Variants in TENM4 observed in about 807,000 individuals in gnomAD.
TENM4 encodes teneurin-4.
In TENM4, 82 loss-of-function variants were observed where a neutral mutation model predicts 243.3. The ratio of observed to expected loss-of-function variants is 0.34; its 90% confidence interval spans 0.28 to 0.40. The LOEUF is 0.40. Among genes scored for constraint, TENM4 ranks in the 10% least tolerant of loss-of-function variants. The pLI, the probability that TENM4 is intolerant of heterozygous loss-of-function variation, is 1.00. For missense variants in TENM4, 3,138 were observed against 3,673.3 expected (o/e 0.85, Z 3.77); for synonymous variants, 1,412 against 1,456.3 (o/e 0.97, Z 0.69).
At chr11:79,308,692 G>A (rs1257208499) in intron 1 of TENM4, among the ~76,000 whole-genome samples, 3 of 152,158 alleles carry the variant, frequency 2.0e-5, no homozygotes, top group Non-Finnish European at 4.4e-5. Context: ...AGGGCTACAC[G>A]GCACGTTAGA....
At chr11:79,114,262 G>GA (rs774732376) in intron 4 of TENM4, among the ~76,000 whole-genome samples, 2 of 151,966 alleles carry the variant, frequency 1.3e-5, no homozygotes, top group African/African-American at 4.8e-5. Context: ...ATGTTACATA[G>GA]AAAAAAAATA....
At chr11:79,186,417 C>T (rs12417483) in intron 3 of TENM4, among the ~76,000 whole-genome samples, 14,234 of 152,222 alleles carry the variant, frequency 0.094, 1,378 homozygotes, top group East Asian at 0.41. Context: ...GGAGCCTTTA[C>T]GTGCTTTATC....
At chr11:79,318,405 C>G (rs1035567646) in intron 1 of TENM4, among the ~76,000 whole-genome samples, 1 of 152,182 alleles carries the variant, frequency 6.6e-6, no homozygotes, top group South Asian at 2.1e-4. Context: ...AAACAGCCAA[C>G]CTTATTAATG....
At chr11:79,325,017 T>C (rs1274561809) in intron 1 of TENM4, among the ~76,000 whole-genome samples, 1 of 152,184 alleles carries the variant, frequency 6.6e-6, no homozygotes. Flanking sequence ...CAGGTTTTTC[T>C]GAGAAGGAGG....
At chr11:78,815,008 G>T (rs1476090155) in intron 12 of TENM4, among the ~76,000 whole-genome samples, 2 of 152,112 alleles carry the variant, frequency 1.3e-5, no homozygotes, top group Non-Finnish European at 2.9e-5. Context: ...AAACAAATCT[G>T]ATCCTATCAC....
Position 78,732,428 on chromosome 11 carries a change from G to A in TENM4, c.3026C>T (p.Pro1009Leu), listed in dbSNP as rs1279462158. 2 of 1,613,868 alleles carry A rather than the reference G, an allele frequency of 1.2e-6. No individual in the cohort carries two copies. The highest frequency in any genetic ancestry group is 1.1e-5 in the South Asian group (1 of 91,050). Residue 1009 changes from proline to leucine, a missense_variant, in exon 21 of 34, where the codon CCC becomes CTC. Pro to Leu is a moderately conservative substitution (Grantham distance 98). This residue lies in a region of TENM4 where 2,467 missense variants were observed against 3,059.1 expected (regional missense o/e 0.81). Transcript: ENST00000278550. ...GGCAAAATTGCTCAGGTCACAGCTG[G>A]GAATCTCATTCTCCTCATGTCTCAT... The part of the protein sequence containing the change: ...IIMRHEENEI[P>L]SCDLSNFARP...
At chr11:78,851,742 C>T (rs1234958732) in intron 12 of TENM4, among the ~76,000 whole-genome samples, 3 of 152,176 alleles carry the variant, frequency 2.0e-5, no homozygotes, top group African/African-American at 7.2e-5. Flanking sequence ...GCCTCCCAAA[C>T]CCTGCCAAGT....
intron 2 of TENM4, among the ~76,000 whole-genome samples, chr11:79,296,108 A>C (rs1394038214): frequency 1.4e-4 from 22 of 152,180 alleles, no homozygotes; most frequent in Admixed American, 1.2e-3. Context: ...CACCTTTTGA[A>C]ATTCCAGACA....
intron 1 of TENM4, among the ~76,000 whole-genome samples, chr11:79,339,876 C>G (rs1364820147): frequency 1.3e-5 from 2 of 152,068 alleles, no homozygotes; most frequent in Admixed American, 6.5e-5. Flanking sequence ...GGGAAGCTGC[C>G]AAGCTGCTCC....
chr11:79,255,550 T>A, intron 2 of TENM4, among the ~76,000 whole-genome samples: 1 of 152,334 alleles, frequency 6.6e-6, no homozygotes, highest in South Asian at 2.1e-4. Context: ...AATGTAAAAC[T>A]GAATTTAAAA....
chr11:79,107,032 C>A (rs1861387675), intron 4 of TENM4, among the ~76,000 whole-genome samples: 1 of 152,160 alleles, frequency 6.6e-6, no homozygotes, highest in South Asian at 2.1e-4. Context: ...CATGAGCTTG[C>A]TTCATCATCA....
At chr11:78,780,651 A>G (rs1473126964) in intron 16 of TENM4, among the ~76,000 whole-genome samples, 1 of 152,208 alleles carries the variant, frequency 6.6e-6, no homozygotes, top group African/African-American at 2.4e-5. Flanking sequence ...AGTGAAGCTT[A>G]TATCCATTCT....
intron 10 of TENM4, among the ~76,000 whole-genome samples, chr11:78,860,076 A>T (rs1406587944): frequency 2.6e-5 from 4 of 152,256 alleles, no homozygotes; most frequent in Non-Finnish European, 5.9e-5. Context: ...CAATTCTTGG[A>T]TTATCATACA....
At chr11:78,871,931 G>A (rs1204392774) in intron 9 of TENM4, among the ~76,000 whole-genome samples, 1 of 152,176 alleles carries the variant, frequency 6.6e-6, no homozygotes. Context: ...ATTTTACCTT[G>A]TGCATGATAT....
At chr11:78,769,718 C>A (rs373152122) in intron 18 of TENM4, among the ~76,000 whole-genome samples, 14 of 152,362 alleles carry the variant, frequency 9.2e-5, no homozygotes, top group South Asian at 4.1e-4. Context: ...TCCCTGTTGA[C>A]AATTGCTCCA....
intron 18 of TENM4, among the ~76,000 whole-genome samples, chr11:78,759,754 A>C (rs1231334407): frequency 6.6e-6 from 1 of 152,236 alleles, no homozygotes; most frequent in African/African-American, 2.4e-5. Flanking sequence ...TGCATCATTG[A>C]ATCCTCTATG....
chr11:78,778,721 G>C, intron 16 of TENM4, 93 bp from the exon 17 acceptor site: 1 of 1,211,278 alleles, frequency 8.3e-7, no homozygotes, highest in South Asian at 1.3e-5. Context: ...ACAGACAAAG[G>C]GATTGTGCCC....
chr11:79,167,610 C>T (rs1233111699), intron 3 of TENM4, among the ~76,000 whole-genome samples: 1 of 152,162 alleles, frequency 6.6e-6, no homozygotes, highest in Non-Finnish European at 1.5e-5. Context: ...ACCACATTCT[C>T]GTGTATTTAG....
At chr11:78,829,920 C>T (rs1245929856) in intron 12 of TENM4, among the ~76,000 whole-genome samples, 1 of 152,156 alleles carries the variant, frequency 6.6e-6, no homozygotes, top group Non-Finnish European at 1.5e-5. Context: ...TAAGAGGGAG[C>T]CTGGATCTTG....
Sources: allele counts gnomAD v4.1 joint callset (sites outside exome capture counted in the v4.1 genomes callset), GRCh38; gene constraint gnomAD v4.1.1; regional missense constraint gnomAD v4.1.1; transcripts MANE v1.5; gene names NCBI Gene and HGNC (gene_info 2026-07-23, HGNC 2026-07-21).